Variants in GRIA1 observed in about 807,000 individuals in gnomAD.
GRIA1 encodes glutamate ionotropic receptor AMPA type subunit 1, also known as glutamate receptor 1.
GRIA1 carries 31 observed loss-of-function variants against 99.2 expected under a neutral mutation model. That is an observed-to-expected ratio of 0.31 (90% CI 0.23 to 0.42). GRIA1 has a LOEUF of 0.42. Ranked by LOEUF, GRIA1 falls within the 10% of genes least tolerant of loss-of-function variation. The pLI is 1.00. For missense variants in GRIA1, 782 were observed against 1,157.5 expected (o/e 0.68, Z 4.71); for synonymous variants, 438 against 432.4 (o/e 1.01, Z -0.16).
At chr5:153,736,033 G>T (rs747007370) in intron 11 of GRIA1, among the ~76,000 whole-genome samples, 3 of 152,170 alleles carry the variant, frequency 2.0e-5, no homozygotes, top group Non-Finnish European at 4.4e-5. Flanking sequence ...GGAATCATCA[G>T]CATACAGTAT....
intron 2 of GRIA1, among the ~76,000 whole-genome samples, chr5:153,611,510 T>G (rs1039170033): frequency 6.6e-6 from 1 of 152,194 alleles, no homozygotes; most frequent in Non-Finnish European, 1.5e-5. Context: ...CTGAAAGGGC[T>G]TCCAGCTAGA....
At chr5:153,558,510 GCTT>G (rs1760847777) in intron 2 of GRIA1, among the ~76,000 whole-genome samples, 1 of 151,808 alleles carries the variant, frequency 6.6e-6, no homozygotes, top group South Asian at 2.1e-4. Flanking sequence ...TTGCATTCTG[GCTT>G]CTTTCACTTA....
intron 13 of GRIA1, among the ~76,000 whole-genome samples, chr5:153,774,073 T>TCCC (rs1386593182): frequency 4.6e-5 from 1 of 21,826 alleles, no homozygotes; most frequent in Non-Finnish European, 8.3e-5. Flanking sequence ...CAACCCCCCC[T>TCCC]CCCCCCACAC....
chr5:153,713,095 A>G (rs1251987683), intron 11 of GRIA1, among the ~76,000 whole-genome samples: 2 of 152,176 alleles, frequency 1.3e-5, no homozygotes, highest in East Asian at 3.9e-4. Context: ...TTTGATATTG[A>G]GTCAAAAGCC....
intron 2 of GRIA1, among the ~76,000 whole-genome samples, chr5:153,576,942 ATGGATG>A (rs1762579220): frequency 7.3e-6 from 1 of 136,056 alleles, no homozygotes; most frequent in Non-Finnish European, 1.5e-5. Flanking sequence ...GGATGGATGG[ATGGATG>A]GATGGATGGA....
rs188209128 is a variant in GRIA1, at chr5:153,715,323, C to G, written c.1823+9256C>G. 3.4e-3 allele frequency among the ~76,000 whole-genome samples: 521 copies of G among 151,922 alleles called. 2 individuals carry two copies. The highest frequency in any genetic ancestry group is 3.6e-3 in the Non-Finnish European group (243 of 68,004). On this transcript the variant is annotated intron_variant, in intron 11 of 15. Coordinates refer to ENST00000285900, the MANE Select transcript of GRIA1 (RefSeq NM_000827.4). ...CCTCTGCTTGGAGTGACTTTTCCCA[C>G]CTTTCCTGCTCAACTCCTTCCCCAT... is the stretch of plus-strand genomic sequence containing the variant.
intron 2 of GRIA1, among the ~76,000 whole-genome samples, chr5:153,554,477 G>T (rs1358430131): frequency 1.3e-5 from 2 of 152,064 alleles, no homozygotes; most frequent in African/African-American, 4.8e-5. Context: ...TCAGGAAGTG[G>T]TTTTTTGTTG....
intron 2 of GRIA1, among the ~76,000 whole-genome samples, chr5:153,522,160 A>G (rs1021486550): frequency 1.3e-5 from 2 of 152,182 alleles, no homozygotes; most frequent in Non-Finnish European, 2.9e-5. Context: ...TGAACCCACT[A>G]CTTTCTAGCT....
intron 2 of GRIA1, among the ~76,000 whole-genome samples, chr5:153,643,728 T>C (rs1012614529): frequency 6.6e-6 from 1 of 152,198 alleles, no homozygotes; most frequent in Non-Finnish European, 1.5e-5. Flanking sequence ...GAGTAGTGCG[T>C]AAATGCACCC....
At chr5:153,506,316 GGTGTGTGT>G (rs61220170) in intron 2 of GRIA1, among the ~76,000 whole-genome samples, 34,903 of 140,274 alleles carry the variant, frequency 0.25, 4,828 homozygotes, top group Non-Finnish European at 0.34. Flanking sequence ...TGGCAAGAAG[GGTGTGTGT>G]GTGTGTGTGT....
intron 5 of GRIA1, among the ~76,000 whole-genome samples, chr5:153,665,190 C>T (rs1169819789): frequency 6.6e-6 from 1 of 152,224 alleles, no homozygotes; most frequent in Non-Finnish European, 1.5e-5. Context: ...CCCTAACCTT[C>T]TGCCAGAAAG....
chr5:153,716,027 A>T (rs1209634932), intron 11 of GRIA1, among the ~76,000 whole-genome samples: 8 of 152,352 alleles, frequency 5.3e-5, no homozygotes, highest in African/African-American at 1.7e-4. Context: ...CAGAAAATAA[A>T]GTTACCTTGT....
chr5:153,788,569 C>G (rs1424082208), intron 13 of GRIA1, among the ~76,000 whole-genome samples: 1 of 152,216 alleles, frequency 6.6e-6, no homozygotes, highest in Non-Finnish European at 1.5e-5. Context: ...CTAGTCTCCG[C>G]TTAAATGTCA....
intron 2 of GRIA1, among the ~76,000 whole-genome samples, chr5:153,637,142 A>G (rs1209277243): frequency 6.6e-6 from 1 of 152,244 alleles, no homozygotes; most frequent in Non-Finnish European, 1.5e-5. Context: ...ATATAAATAC[A>G]ATAATAAATA....
intron 11 of GRIA1, among the ~76,000 whole-genome samples, chr5:153,739,895 AG>A (rs1286640103): frequency 6.6e-6 from 1 of 152,254 alleles, no homozygotes; most frequent in African/African-American, 2.4e-5. Flanking sequence ...CACTGAAAAA[AG>A]TGCAATCTCT....
chr5:153,572,010 G>A (rs547551790), intron 2 of GRIA1, among the ~76,000 whole-genome samples: 1 of 152,172 alleles, frequency 6.6e-6, no homozygotes, highest in South Asian at 2.1e-4. Context: ...CCCATAACTG[G>A]TTACCCTTAG....
At chr5:153,669,525 C>A (rs1309545601) in intron 5 of GRIA1, among the ~76,000 whole-genome samples, 2 of 152,196 alleles carry the variant, frequency 1.3e-5, no homozygotes, top group Non-Finnish European at 2.9e-5. Flanking sequence ...TGTCTTGCCA[C>A]TGCTACTCTG....
At chr5:153,723,595 C>A (rs1178019301) in intron 11 of GRIA1, among the ~76,000 whole-genome samples, 1 of 152,194 alleles carries the variant, frequency 6.6e-6, no homozygotes, top group Non-Finnish European at 1.5e-5. Flanking sequence ...GATTATATCC[C>A]CCACCTGGCT....
chr5:153,514,385 T>C (rs1000417470), intron 2 of GRIA1, among the ~76,000 whole-genome samples: 1 of 152,220 alleles, frequency 6.6e-6, no homozygotes, highest in Non-Finnish European at 1.5e-5. Flanking sequence ...GAGAAAACGG[T>C]CCAATTCAAT....
Sources: gnomAD v4.1 joint callset for allele counts (sites outside exome capture counted in the v4.1 genomes callset) on GRCh38, gnomAD v4.1.1 for gene constraint, MANE v1.5 for transcripts, NCBI Gene and HGNC (gene_info 2026-07-23, HGNC 2026-07-21) for gene names.